Variants in BTBD16 observed in about 807,000 individuals in gnomAD.
BTBD16 encodes BTB domain containing 16, also known as BTB/POZ domain-containing protein 16.
A neutral mutation model predicts 67.4 loss-of-function variants in BTBD16; 66 were observed. The ratio of observed to expected loss-of-function variants is 0.98; its 90% CI spans 0.80 to 1.20. BTBD16 has a LOEUF of 1.20. BTBD16 is among the 50% of genes most tolerant of loss of function. The pLI, the probability that BTBD16 is intolerant of heterozygous loss-of-function variation, is 0.00. For missense variants in BTBD16, 634 were observed against 616.0 expected (o/e 1.03, Z -0.31); for synonymous variants, 242 against 236.4 (o/e 1.02, Z -0.22).
chr10:122,286,025 A>T lies in BTBD16; in HGVS notation c.242-80A>T. On this transcript the variant is annotated intron_variant, in intron 4 of 15. Transcript: ENST00000260723. ...TGCTTAATGATCCACCGAGCAAAGG[A>T]GCTGGGGGAGAGGAAGCTGATGCAT... The T allele has an allele frequency of 2.2e-6, 3 of 1,366,944 alleles. No individual in the cohort carries two copies. The South Asian group carries it at 4.0e-5, about 18-fold the overall frequency. The allele number at this position is 1,366,944 out of a possible 1,614,324, so 84.7% of individuals were successfully genotyped here. A position where few individuals can be genotyped will look rare whatever the true frequency, so the allele number is the denominator to read the frequency against.
intron 3 of BTBD16, among the ~76,000 whole-genome samples, chr10:122,279,511 AACAC>A (rs143637448): frequency 0.016 from 2,304 of 143,958 alleles, 57 homozygotes; most frequent in African/African-American, 0.055. Context: ...GAGAAAGAGA[AACAC>A]ACACACACAC....
At chr10:122,320,621 C>T (rs552626657) in intron 10 of BTBD16, among the ~76,000 whole-genome samples, 1 of 152,014 alleles carries the variant, frequency 6.6e-6, no homozygotes, top group South Asian at 2.1e-4. Context: ...TTGAGTTCTT[C>T]TTTGACCTAT....
chr10:122,328,018 A>T (rs765319677), intron 10 of BTBD16, among the ~76,000 whole-genome samples: 1 of 152,210 alleles, frequency 6.6e-6, no homozygotes, highest in Non-Finnish European at 1.5e-5. Flanking sequence ...TCCCCAGAGC[A>T]CTGGGCAAGG....
intron 10 of BTBD16, among the ~76,000 whole-genome samples, chr10:122,326,138 T>C (rs2096444325): frequency 6.6e-6 from 1 of 152,218 alleles, no homozygotes; most frequent in Non-Finnish European, 1.5e-5. Context: ...TTAGTTCAGG[T>C]GTTTCTCAAA....
chr10:122,275,665 C>T (rs2096339020), intron 2 of BTBD16, among the ~76,000 whole-genome samples: 1 of 152,176 alleles, frequency 6.6e-6, no homozygotes, highest in African/African-American at 2.4e-5. Flanking sequence ...CATTGGTGCC[C>T]TGGGTGGCTT....
intron 10 of BTBD16, chr10:122,328,947 C>T: frequency 3.5e-6 from 2 of 565,308 alleles, no homozygotes; most frequent in Non-Finnish European, 2.2e-6. Context: ...CAGCCGTTCT[C>T]TTCTTCTTTT....
At chr10:122,328,932 C>T (rs2096450123) in intron 10 of BTBD16, 3 of 621,558 alleles carry the variant, frequency 4.8e-6, no homozygotes, top group Non-Finnish European at 4.0e-6. Flanking sequence ...AACTAGTTCC[C>T]CACACAGCCG....
intron 7 of BTBD16, chr10:122,291,560 A>T (rs1353868039): frequency 5.8e-6 from 1 of 171,700 alleles, no homozygotes; most frequent in African/African-American, 2.4e-5. Flanking sequence ...AAGAAAAAAA[A>T]AATCTCTCTC....
At chr10:122,316,695 A>G (rs143539552) in intron 10 of BTBD16, among the ~76,000 whole-genome samples, 5 of 152,278 alleles carry the variant, frequency 3.3e-5, no homozygotes, top group African/African-American at 9.6e-5. Flanking sequence ...CTTATCATGC[A>G]TGGAACTTGC....
In BTBD16 at chr10:122,336,551, A is replaced by G. The variant is rs1451236922; in HGVS notation, c.1321A>G (p.Ser441Gly). The G allele has an allele frequency of 6.2e-7, 1 of 1,612,270 alleles. No homozygotes were observed. The highest frequency in any genetic ancestry group is 8.5e-7 in the Non-Finnish European group (1 of 1,179,454). ...PSAVYEHNHV[S>G]LRAARLVKYE... ...TGCGGTCTACGAGCACAACCACGTC[A>G]GCCTGCGAGCGGCACGCCTGGTGAA... Residue 441 changes from serine (S) to glycine (G), a missense_variant, in exon 15 of 16, where the codon AGC becomes GGC. Physicochemically the swap from Ser to Gly is moderately conservative, Grantham distance 56. Transcript: ENST00000260723.
chr10:122,296,966 G>A (rs1431735749), intron 7 of BTBD16, among the ~76,000 whole-genome samples: 1 of 152,222 alleles, frequency 6.6e-6, no homozygotes. Context: ...CCGCTTCTTG[G>A]AATGCTGGTC....
Position 122,298,326 on chromosome 10 carries a change from G to T in BTBD16, c.660+489G>T, listed in dbSNP as rs531716347. Among the ~76,000 whole-genome samples, 376 of 152,302 alleles carry T rather than the reference G, an allele frequency of 2.5e-3. 1 individual carries two copies. The highest frequency in any genetic ancestry group is 5.6e-3 in the South Asian group (27 of 4,822). On this transcript the variant is annotated intron_variant, in intron 8 of 15. Coordinates refer to ENST00000260723, the MANE Select transcript of BTBD16 (RefSeq NM_144587.5). The stretch of plus-strand genomic sequence containing the variant: ...CTCTGTATGGCCACCAGTGACCTGG[G>T]GGGGGATACCAAGCAGCATGCCACA...
intron 10 of BTBD16, among the ~76,000 whole-genome samples, chr10:122,316,836 T>C (rs957179201): frequency 1.3e-5 from 2 of 151,962 alleles, no homozygotes; most frequent in Admixed American, 1.3e-4. Context: ...TTGCCTAGGC[T>C]GGAGTGCAAC....
intron 10 of BTBD16, among the ~76,000 whole-genome samples, chr10:122,322,398 C>A (rs879277078): frequency 6.6e-6 from 1 of 152,010 alleles, no homozygotes; most frequent in African/African-American, 2.4e-5. Flanking sequence ...GTGGCTTTAT[C>A]GGACATTCTA....
chr10:122,302,973 C>A (rs891717497), intron 9 of BTBD16, among the ~76,000 whole-genome samples: 1 of 152,022 alleles, frequency 6.6e-6, no homozygotes, highest in African/African-American at 2.4e-5. Flanking sequence ...CTGCATGAGG[C>A]CTTCTTTTTC....
At chr10:122,281,927 C>CA (rs2142051821) in intron 3 of BTBD16, among the ~76,000 whole-genome samples, 1 of 152,320 alleles carries the variant, frequency 6.6e-6, no homozygotes, top group Non-Finnish European at 1.5e-5. Flanking sequence ...AGCATCCCCG[C>CA]ACCAAGCATT....
intron 13 of BTBD16, 159 bp downstream of exon 13, chr10:122,332,672 C>T: frequency 1.6e-6 from 1 of 617,588 alleles, no homozygotes; most frequent in Non-Finnish European, 2.0e-6. Flanking sequence ...TCATCAGCTC[C>T]CAGGAAATAA....
chr10:122,326,039 GA>G (rs11460797), intron 10 of BTBD16, among the ~76,000 whole-genome samples: 9,219 of 142,920 alleles, frequency 0.065, 397 homozygotes, highest in Non-Finnish European at 0.094. Flanking sequence ...TATATTTTGA[GA>G]AAAAAAAAAA....
chr10:122,273,941 AT>A (rs1352254428), intron 1 of BTBD16, among the ~76,000 whole-genome samples: 1 of 152,238 alleles, frequency 6.6e-6, no homozygotes, highest in Non-Finnish European at 1.5e-5. Flanking sequence ...GATCGTGTGC[AT>A]TTTGCTCACT....
Sources: gnomAD v4.1 joint callset for allele counts (sites outside exome capture counted in the v4.1 genomes callset) on GRCh38, gnomAD v4.1.1 for gene constraint, MANE v1.5 for transcripts, NCBI Gene and HGNC (gene_info 2026-07-23, HGNC 2026-07-21) for gene names.